Variants in NFASC observed in about 807,000 individuals in gnomAD.
NFASC encodes the protein neurofascin, also known as neurofascin homolog.
NFASC carries 43 observed loss-of-function variants against 147.5 expected under a neutral mutation model. That is an observed-to-expected ratio of 0.29 (90% confidence interval 0.23 to 0.38). The LOEUF (loss-of-function observed/expected upper bound fraction) is 0.38. Ranked by LOEUF, NFASC falls within the 10% of genes least tolerant of loss-of-function variation. NFASC has a pLI of 1.00. For synonymous variants in NFASC, 622 were observed against 665.5 expected, an observed-to-expected ratio of 0.93 and a Z score of 1.01; for missense variants, 1,320 against 1,689.0, an observed-to-expected ratio of 0.78 and a Z score of 3.83.
intron 1 of NFASC, among the ~76,000 whole-genome samples, chr1:204,888,072 G>A (rs555103830): frequency 7.4e-4 from 113 of 152,278 alleles, no homozygotes; most frequent in African/African-American, 2.6e-3. Flanking sequence ...GTTCATGGCC[G>A]GAGGCTGCAA....
chr1:204,863,278 T>C (rs1421763008), intron 1 of NFASC, among the ~76,000 whole-genome samples: 2 of 152,166 alleles, frequency 1.3e-5, no homozygotes, highest in African/African-American at 4.8e-5. Context: ...TCTGGGGAAA[T>C]AGCGCTTCTG....
intron 26 of NFASC, among the ~76,000 whole-genome samples, chr1:205,002,023 C>T (rs2095999148): frequency 6.6e-6 from 1 of 152,248 alleles, no homozygotes. Context: ...TTCACATCCA[C>T]AGCACCTGGA....
At chr1:204,833,916 G>A (rs1369092867) in intron 1 of NFASC, among the ~76,000 whole-genome samples, 1 of 152,168 alleles carries the variant, frequency 6.6e-6, no homozygotes, top group Non-Finnish European at 1.5e-5. Context: ...CTGTTACAGA[G>A]ATTAAATGTG....
chr1:204,875,874 A>C lies in NFASC; in HGVS notation c.-199-44758A>C, dbSNP rs138860944. ...CATTTGGAACTCTAACTTCTATCAG[A>C]CTGAGGAGAGGTCTGATAGGGTCTT... On this transcript the variant is annotated intron_variant, in intron 1 of 29. Coordinates refer to ENST00000339876, the MANE Select transcript of NFASC (RefSeq NM_001005388.3). 7.4e-4 allele frequency among the ~76,000 whole-genome samples: 113 copies of C among 152,270 alleles called. 1 individual carries two copies. The highest frequency in any genetic ancestry group is 4.1e-3 in the South Asian group (20 of 4,822).
intron 10 of NFASC, among the ~76,000 whole-genome samples, chr1:204,969,734 T>A (rs1245202378): frequency 6.6e-6 from 1 of 152,148 alleles, no homozygotes; most frequent in African/African-American, 2.4e-5. Context: ...AAAATCCACA[T>A]TTCCACATAT....
At chr1:204,980,545 ACT>A (rs1171898384) in intron 20 of NFASC, 105 bp downstream of exon 20, 2 of 837,608 alleles carry the variant, frequency 2.4e-6, no homozygotes, top group African/African-American at 1.8e-5. Context: ...TGTGGTTCAG[ACT>A]CTCTGGCTGG....
At chr1:204,831,410 G>T (rs556140838) in intron 1 of NFASC, among the ~76,000 whole-genome samples, 15 of 151,548 alleles carry the variant, frequency 9.9e-5, no homozygotes, top group Non-Finnish European at 4.4e-5. Flanking sequence ...CTGAGAGCTG[G>T]GGGTGGGGTT....
intron 1 of NFASC, among the ~76,000 whole-genome samples, chr1:204,869,695 C>T (rs2077429568): frequency 4.6e-5 from 7 of 152,174 alleles, no homozygotes; most frequent in Admixed American, 4.6e-4. Context: ...CACTAAGTAA[C>T]TTGCCCAAGG....
chr1:204,989,054 A>C, intron 23 of NFASC: 1 of 553,138 alleles, frequency 1.8e-6, no homozygotes, highest in Non-Finnish European at 3.2e-6. Flanking sequence ...TTGCTCAGTC[A>C]CTTGACATCT....
rs1234198336 is a variant in NFASC at position 204,977,693 on chromosome 1, C to T, written c.1844C>T (p.Thr615Ile). 3 of 1,611,122 alleles carry T rather than the reference C, an allele frequency of 1.9e-6. No homozygotes were observed. The highest frequency in any genetic ancestry group is 2.5e-6 in the Non-Finnish European group (3 of 1,177,598). Residue 615 changes from threonine (T) to isoleucine (I), a missense_variant, in exon 17 of 30, where the codon ACT (threonine) becomes ATT (isoleucine). This residue lies in a region of NFASC where 981 missense variants were observed against 1,289.5 expected (regional missense o/e 0.76). Transcript: ENST00000339876. ...CTTACCTTTGCAGCTGATCAGGCCA[C>T]TCCAACTAACCGTTTGGCTGCCCTG... ...AYLTVLADQA[T>I]PTNRLAALPK...
At position 205,012,852 on chromosome 1, in the gene NFASC, C is replaced by T. The variant is rs1234981450; in HGVS notation, c.3477C>T (p.Gly1159=). ...CTGAAGACCCCAAGGAAGAGGATGGCTCATTTGACTATAGGTGCGTGATCT... is the reference window on the plus strand; with the variant it reads ...CTGAAGACCCCAAGGAAGAGGATGGTTCATTTGACTATAGGTGCGTGATCT... The part of the protein sequence containing the change: ...LGPEDPKEED[G]SFDYSDEDNK... The change falls in exon 29 of 30, where the codon GGC becomes GGT. Residue 1159 remains glycine, a synonymous_variant. Coordinates refer to ENST00000339876, the MANE Select transcript of NFASC (RefSeq NM_001005388.3). 4.3e-6 allele frequency: 7 copies of T among 1,612,608 alleles called. No individual in the cohort carries two copies. Among genetic ancestry groups the T allele is most frequent in the East Asian group, 2.2e-5 (1 of 44,874 alleles).
At chr1:204,848,901 G>A (rs2075410462) in intron 1 of NFASC, among the ~76,000 whole-genome samples, 1 of 152,192 alleles carries the variant, frequency 6.6e-6, no homozygotes, top group Non-Finnish European at 1.5e-5. Flanking sequence ...AATAATCTGC[G>A]ATAATACCAC....
At chr1:204,850,039 CCTT>C (rs1305113637) in intron 1 of NFASC, among the ~76,000 whole-genome samples, 2 of 152,156 alleles carry the variant, frequency 1.3e-5, no homozygotes, top group Non-Finnish European at 2.9e-5. Flanking sequence ...GGCTCTGGAA[CCTT>C]CTCCCGAGGG....
intron 1 of NFASC, among the ~76,000 whole-genome samples, chr1:204,877,706 C>T (rs571643053): frequency 1.3e-5 from 2 of 152,240 alleles, no homozygotes; most frequent in East Asian, 3.9e-4. Context: ...ATCCATTTAT[C>T]CATTGGTGGA....
At chr1:204,982,628 A>G (rs1036432341) in intron 21 of NFASC, among the ~76,000 whole-genome samples, 4 of 152,206 alleles carry the variant, frequency 2.6e-5, no homozygotes, top group Admixed American at 2.6e-4. Context: ...TGGTAAAACA[A>G]CAAGATTCTG....
intron 25 of NFASC, chr1:204,999,109 C>T (rs985525554): frequency 6.6e-6 from 1 of 152,168 alleles, no homozygotes; most frequent in African/African-American, 2.4e-5. Context: ...ATTTGTCCTT[C>T]GCCTGTCTTT....
rs1491338816 is a variant in NFASC, at chr1:204,877,027, T to TATAA, written c.-199-43604_-199-43603insTAAA. Among the ~76,000 whole-genome samples the TATAA allele has an allele frequency of 2.9e-4, 25 of 85,118 alleles. 2 individuals are homozygous for TATAA. The East Asian group carries it at 4.4e-3, about 15-fold the overall frequency. The allele number at this position is 85,118 out of a possible 152,430, so 55.8% of individuals were successfully genotyped here. ...ATATATATATATATATATATATATA[T>TATAA]AATATATATTTATATATATATAATA... On this transcript the variant is annotated intron_variant, in intron 1 of 29. Transcript: ENST00000339876.
chr1:204,842,980 G>A (rs1675808532), intron 1 of NFASC, among the ~76,000 whole-genome samples: 1 of 152,232 alleles, frequency 6.6e-6, no homozygotes, highest in South Asian at 2.1e-4. Flanking sequence ...GCTGATGTGG[G>A]AGTGGGTCAG....
In NFASC at chr1:204,837,824, A is replaced by G. The variant is rs975376646; in HGVS notation, c.-200+9042A>G. ...TGGGCTTTTTGTCAGTAAAATAGTTACAGTATCTGACTTTATGGTCCTTGT... is the reference window on the plus strand; with the variant it reads ...TGGGCTTTTTGTCAGTAAAATAGTTGCAGTATCTGACTTTATGGTCCTTGT... On this transcript the variant is annotated intron_variant, in intron 1 of 29. Transcript: ENST00000339876. Among the ~76,000 whole-genome samples, 3 of 152,106 alleles carry G rather than the reference A, an allele frequency of 2.0e-5. No homozygotes were observed. The South Asian group carries it at 6.2e-4, about 32-fold the overall frequency.
Sources: gnomAD v4.1 joint callset for allele counts (sites outside exome capture counted in the v4.1 genomes callset) on GRCh38, gnomAD v4.1.1 for gene constraint, gnomAD v4.1.1 regional missense constraint, MANE v1.5 for transcripts, NCBI Gene and HGNC (gene_info 2026-07-23, HGNC 2026-07-21) for gene names.